HHLA1: variants seen among roughly 807,000 people sequenced by gnomAD.
HHLA1 encodes the protein HHLA1 neighbor of OC90, also known as HERV-H LTR-associating protein 1.
Under a neutral mutation model 69.9 loss-of-function variants are expected in HHLA1, and 72 were observed. The observed-to-expected ratio is 1.03, with a 90% CI of 0.85 to 1.25. The LOEUF (loss-of-function observed/expected upper bound fraction) is 1.25, where lower values mean the gene tolerates loss of function less well. Ranked by LOEUF, HHLA1 falls within the 50% of genes most tolerant of loss-of-function variation. HHLA1 has a pLI of 0.00. For synonymous variants in HHLA1, 252 were observed against 233.2 expected, an observed-to-expected ratio of 1.08 and a Z score of -0.73; for missense variants, 685 against 642.2, an observed-to-expected ratio of 1.07 and a Z score of -0.72.
In HHLA1 at chr8:132,073,064, G is replaced by T. The variant is rs144336475; in HGVS notation, c.1316-1571C>A. Among the ~76,000 whole-genome samples, 570 of 152,248 alleles carry T rather than the reference G, an allele frequency of 3.7e-3. 1 individual carries two copies. Among genetic ancestry groups the T allele is most frequent in the African/African-American group, 0.013 (542 of 41,550 alleles). On this transcript the variant is annotated intron_variant, in intron 14 of 16. Coordinates refer to ENST00000414222, the MANE Select transcript of HHLA1 (RefSeq NM_001145095.3). The stretch of plus-strand genomic sequence containing the variant: ...ATGAGTTCAATAATATCTTTGACAT[G>T]TTGACATGTATTCATTCAATATTAT...
chr8:132,106,678 C>T (rs1824206475), intron 1 of HHLA1, among the ~76,000 whole-genome samples: 1 of 152,236 alleles, frequency 6.6e-6, no homozygotes, highest in Admixed American at 6.5e-5. Flanking sequence ...GACACTGCCA[C>T]TTCCCTTGAG....
chr8:132,065,363 G>C (rs1823415678), intron 16 of HHLA1, among the ~76,000 whole-genome samples: 1 of 152,130 alleles, frequency 6.6e-6, no homozygotes, highest in Non-Finnish European at 1.5e-5. Context: ...CTTACTGCAA[G>C]CTCTGCCTCC....
intron 1 of HHLA1, among the ~76,000 whole-genome samples, chr8:132,106,769 A>G (rs1445732446): frequency 6.6e-6 from 1 of 152,184 alleles, no homozygotes; most frequent in East Asian, 1.9e-4. Flanking sequence ...CTCCACTGAG[A>G]GAGAGATGGA....
At position 132,100,115 on chromosome 8, in the gene HHLA1, T is replaced by A; in HGVS notation, c.159A>T (p.Glu53Asp). 6.4e-7 allele frequency: 1 copy of A among 1,551,206 alleles called. No individual in the cohort carries two copies. Among genetic ancestry groups the A allele is most frequent in the Non-Finnish European group, 8.7e-7 (1 of 1,146,572 alleles). ...LPTTVSGLRE[E>D]ERKEKGVAFL... Reference sequence around the variant, plus strand: ...ATGCCACCCCCTTCTCCTTCCTCTCTTCTTCTCTAAGGCCAGACACTGGGA... The same window carrying A: ...ATGCCACCCCCTTCTCCTTCCTCTCATCTTCTCTAAGGCCAGACACTGGGA... Residue 53 changes from glutamate to aspartate, a missense_variant, in exon 4 of 17, where the codon GAA (glutamate) becomes GAT (aspartate). Glu to Asp is a conservative substitution (Grantham distance 45). Transcript: ENST00000414222.
At position 132,075,664 on chromosome 8, in the gene HHLA1, AAG is replaced by A. The variant is rs1467977488; in HGVS notation, c.1315+389_1315+390del. Among the ~76,000 whole-genome samples the A allele has an allele frequency of 1.5e-4, 23 of 152,338 alleles. No homozygotes were observed. In the Middle Eastern group the frequency reaches 0.014, roughly 90 times the overall value. The stretch of plus-strand genomic sequence containing the variant: ...CACTGCCAACAACCCTGCTCCTTGC[AAG>A]AGCAGCTTCTATTTGCAAAGTGCCC... On this transcript the variant is annotated intron_variant, in intron 14 of 16. Coordinates refer to ENST00000414222, the MANE Select transcript of HHLA1 (RefSeq NM_001145095.3).
intron 8 of HHLA1, 91 bp downstream of exon 8, chr8:132,089,425 G>A: frequency 1.4e-6 from 1 of 740,082 alleles, no homozygotes. Context: ...CCTATAGCAG[G>A]GGTTGGGGTG....
chr8:132,088,024 T>C lies in HHLA1; in HGVS notation c.533-123A>G. On this transcript the variant is annotated intron_variant, in intron 8 of 16. Coordinates refer to ENST00000414222, the MANE Select transcript of HHLA1 (RefSeq NM_001145095.3). ...GATAATATAGGAAAATAAGCCTGAC[T>C]CTTTACTCTTAAGGCAGTCCTCATT... 4 of 744,558 alleles carry C rather than the reference T, an allele frequency of 5.4e-6. No homozygotes were observed. The South Asian group carries it at 6.7e-5, about 13-fold the overall frequency. 46.1% of individuals were successfully genotyped at this position (744,558 alleles called of 1,614,324 possible). A position where few individuals can be genotyped will look rare whatever the true frequency, so the allele number is the denominator to read the frequency against.
At chr8:132,110,398 T>C (rs1157702000) in intron 1 of HHLA1, among the ~76,000 whole-genome samples, 4 of 152,196 alleles carry the variant, frequency 2.6e-5, no homozygotes, top group African/African-American at 9.6e-5. Flanking sequence ...TTAGGTAGTT[T>C]GGTTCCATGG....
At chr8:132,074,557 T>G (rs1202029467) in intron 14 of HHLA1, among the ~76,000 whole-genome samples, 3 of 152,192 alleles carry the variant, frequency 2.0e-5, no homozygotes, top group Non-Finnish European at 2.9e-5. Flanking sequence ...CAATAAATAT[T>G]TATTAAATGG....
chr8:132,095,707 G>GT lies in HHLA1; in HGVS notation c.359dup (p.Tyr120Ter). The change falls in exon 6 of 17, where the codon TAC becomes TAAC. Residue 120 changes from tyrosine to a stop codon, truncating the protein, a stop_gained and frameshift_variant. Coordinates refer to ENST00000414222, the MANE Select transcript of HHLA1 (RefSeq NM_001145095.3). LOFTEE classifies it high-confidence loss of function. ...FAFHKFSVAV[Y>*]NISNLKTVDP... ...GAAGAGCCAGCCAGCACTCACTGTT[G>GT]TAAACAGCTACAGAAAACTTGTGGA... The GT allele has an allele frequency of 6.4e-7, 1 of 1,551,022 alleles. No individual in the cohort carries two copies. The highest frequency in any genetic ancestry group is 2.4e-5 in the East Asian group (1 of 40,908).
Position 132,077,894 on chromosome 8 carries a change from C to A in HHLA1, c.1003G>T (p.Ala335Ser), listed in dbSNP as rs1438636104. 6.4e-7 allele frequency: 1 copy of A among 1,551,516 alleles called. No homozygotes were observed. Among genetic ancestry groups the A allele is most frequent in the Admixed American group, 2.0e-5 (1 of 50,984 alleles). Residue 335 changes from alanine to serine, a missense_variant, in exon 12 of 17, where the codon GCT (alanine) becomes TCT (serine). Transcript: ENST00000414222. ...TWASISSVPWAQTISEKKPGG... is the reference protein window; with the variant it reads ...TWASISSVPWSQTISEKKPGG... ...GGTTTTTTCTCACTGATGGTCTGAG[C>A]CCAGGGCACGGACGATATGGAAGCC...
Position 132,064,166 on chromosome 8 carries a change from A to G in HHLA1, c.1553-128T>C, listed in dbSNP as rs1417446029. ...CCGGAGAGCAAGTGTGGGGCAGTGC[A>G]CTGGACAGGGGTCACTAGGGGTGAG... On this transcript the variant is annotated intron_variant, in intron 16 of 16. Transcript: ENST00000414222. 5 of 385,936 alleles carry G rather than the reference A, an allele frequency of 1.3e-5. No individual in the cohort carries two copies. The East Asian group carries it at 3.1e-4, about 24-fold the overall frequency. 23.9% of individuals were successfully genotyped at this position (385,936 alleles called of 1,614,324 possible).
intron 7 of HHLA1, among the ~76,000 whole-genome samples, chr8:132,090,124 T>C (rs1331054549): frequency 6.6e-6 from 1 of 152,200 alleles, no homozygotes; most frequent in Non-Finnish European, 1.5e-5. Flanking sequence ...TTCTGCCCCC[T>C]TTTTAAAGGA....
intron 10 of HHLA1, among the ~76,000 whole-genome samples, chr8:132,086,394 G>C (rs1012144300): frequency 1.3e-5 from 2 of 152,150 alleles, no homozygotes; most frequent in Admixed American, 6.5e-5. Flanking sequence ...TCCTCTCTCT[G>C]TGCTACTTGG....
intron 3 of HHLA1, chr8:132,101,155 T>C (rs757642124): frequency 8.5e-6 from 13 of 1,521,578 alleles, no homozygotes; most frequent in Non-Finnish European, 1.1e-5. Context: ...ATTTTGCAAA[T>C]AGAAAACAAC....
chr8:132,096,951 A>G (rs954058420), intron 5 of HHLA1, among the ~76,000 whole-genome samples: 2 of 152,256 alleles, frequency 1.3e-5, no homozygotes, highest in Admixed American at 1.3e-4. Flanking sequence ...CTGGGATTAT[A>G]GGCATGACCC....
chr8:132,081,453 C>G (rs944000562), intron 10 of HHLA1, among the ~76,000 whole-genome samples: 5 of 152,230 alleles, frequency 3.3e-5, no homozygotes, highest in Admixed American at 1.3e-4. Context: ...GACCTTTAGT[C>G]CATTCTACTT....
In HHLA1 at chr8:132,090,755, CTTT is replaced by C. The variant is rs398047424; in HGVS notation, c.449-1159_449-1157del. 2.9e-3 allele frequency among the ~76,000 whole-genome samples: 279 copies of C among 97,624 alleles called. 3 individuals are homozygous for C. In the East Asian group the frequency reaches 0.039, roughly 14 times the overall value. The allele number at this position is 97,624 out of a possible 152,430, so 64.0% of individuals were successfully genotyped here. On this transcript the variant is annotated intron_variant, in intron 7 of 16. Coordinates refer to ENST00000414222, the MANE Select transcript of HHLA1 (RefSeq NM_001145095.3). ...AAACATGGGCACCCTCTTTCTCTCT[CTTT>C]TTTTTTTTTTTTTTTTTTGAGATGG... is the stretch of plus-strand genomic sequence containing the variant.
Position 132,073,619 on chromosome 8 carries a change from C to G in HHLA1, c.1316-2126G>C, listed in dbSNP as rs78672292. The stretch of plus-strand genomic sequence containing the variant: ...AGGGAGTAACTCCAGCAAGATCTGA[C>G]TCTGAAGCCTGTGCTCATAACCATC... On this transcript the variant is annotated intron_variant, in intron 14 of 16. Transcript: ENST00000414222. 4.8e-3 allele frequency among the ~76,000 whole-genome samples: 728 copies of G among 152,314 alleles called. 5 individuals carry two copies. The highest frequency in any genetic ancestry group is 0.028 in the East Asian group (144 of 5,186).
Sources: allele counts gnomAD v4.1 joint callset (sites outside exome capture counted in the v4.1 genomes callset), GRCh38; gene constraint gnomAD v4.1.1; transcripts MANE v1.5; gene names NCBI Gene and HGNC (gene_info 2026-07-23, HGNC 2026-07-21).